C5orf34: variants seen among roughly 807,000 people sequenced by gnomAD.
C5orf34 encodes the protein uncharacterized protein C5orf34.
A neutral mutation model predicts 78.4 loss-of-function variants in C5orf34; 73 were observed. The observed-to-expected ratio is 0.93, with a 90% confidence interval of 0.77 to 1.13. The LOEUF is 1.13. Ranked by LOEUF, C5orf34 falls within the 50% of genes most tolerant of loss-of-function variation. The pLI, the probability that C5orf34 is intolerant of heterozygous loss-of-function variation, is 0.00. For synonymous variants in C5orf34, 251 were observed against 246.6 expected (o/e 1.02, Z -0.17); for missense variants, 730 against 732.7 (o/e 1.00, Z 0.04).
At chr5:43,490,454 G>A in intron 11 of C5orf34, 177 bp downstream of exon 11, 1 of 461,654 alleles carries the variant, frequency 2.2e-6, no homozygotes, top group Non-Finnish European at 3.9e-6. Flanking sequence ...TAATAAATTA[G>A]ATGTCTGATT....
intron 6 of C5orf34, among the ~76,000 whole-genome samples, chr5:43,500,802 G>A (rs924202386): frequency 3.9e-5 from 6 of 152,152 alleles, no homozygotes; most frequent in African/African-American, 1.2e-4. Flanking sequence ...CCTTTACCCA[G>A]AGATTTTAAA....
At chr5:43,498,022 CT>C (rs1412846881) in intron 6 of C5orf34, among the ~76,000 whole-genome samples, 2 of 152,180 alleles carry the variant, frequency 1.3e-5, no homozygotes, top group Non-Finnish European at 2.9e-5. Context: ...GTCTCATAGA[CT>C]AGGAGAAATC....
At chr5:43,497,978 T>C (rs1477356967) in intron 6 of C5orf34, among the ~76,000 whole-genome samples, 2 of 152,180 alleles carry the variant, frequency 1.3e-5, no homozygotes, top group Non-Finnish European at 2.9e-5. Context: ...CTAACACCTG[T>C]TTTTCCTTCC....
At chr5:43,490,971 A>C (rs1015398440) in intron 10 of C5orf34, among the ~76,000 whole-genome samples, 1 of 152,198 alleles carries the variant, frequency 6.6e-6, no homozygotes, top group Non-Finnish European at 1.5e-5. Context: ...AGTGACATTT[A>C]AGAATCAAAA....
At chr5:43,508,465 G>A in intron 3 of C5orf34, 112 bp downstream of exon 3, 1 of 631,722 alleles carries the variant, frequency 1.6e-6, no homozygotes, top group East Asian at 2.7e-5. Context: ...ATGTTTTATA[G>A]CAATGTATCC....
At chr5:43,508,256 T>TA (rs1746076354) in intron 3 of C5orf34, among the ~76,000 whole-genome samples, 1 of 152,170 alleles carries the variant, frequency 6.6e-6, no homozygotes, top group African/African-American at 2.4e-5. Flanking sequence ...AACACAATAC[T>TA]ATATAAGCAA....
At chr5:43,496,274 G>A in intron 6 of C5orf34, 1 of 1,585,734 alleles carries the variant, frequency 6.3e-7, no homozygotes. Context: ...TTCAGTTTAT[G>A]CAAGACCCAG....
intron 6 of C5orf34, among the ~76,000 whole-genome samples, chr5:43,497,013 T>G (rs1745558025): frequency 6.6e-6 from 1 of 152,186 alleles, no homozygotes; most frequent in Non-Finnish European, 1.5e-5. Context: ...AAGACATGGA[T>G]ATATAGATTT....
chr5:43,496,268 G>C, intron 6 of C5orf34: 2 of 1,585,398 alleles, frequency 1.3e-6, no homozygotes, highest in Non-Finnish European at 1.7e-6. Context: ...TCAGCTTTCA[G>C]TTTATGCAAG....
rs150385234 is a variant in C5orf34 at position 43,487,945 on chromosome 5, C to T, written c.1684G>A (p.Val562Ile). 7.2e-5 allele frequency: 116 copies of T among 1,603,786 alleles called. No individual in the cohort carries two copies. Among genetic ancestry groups the T allele is most frequent in the Non-Finnish European group, 9.4e-5 (110 of 1,173,814 alleles). The change falls in exon 12 of 13, where the codon GTT (valine) becomes ATT (isoleucine). Residue 562 changes from valine (V) to isoleucine (I), a missense_variant. Coordinates refer to ENST00000306862, the MANE Select transcript of C5orf34 (RefSeq NM_198566.4). ...TGTATCTTTTCAAGTTCAGAAGCAA[C>T]AGACCTGTCCAAGGAAAAAGAAAAA... ...SSSVLQENWS[V>I]ASELEKIQKF...
Position 43,503,765 on chromosome 5 carries a change from G to T in C5orf34, c.933-5C>A, listed in dbSNP as rs761552978. The stretch of plus-strand genomic sequence containing the variant: ...AGTGAATCACAAAAATTCCACCTGT[G>T]AAGGATAAAATACAAGCTATTACTT... On this transcript the variant is annotated splice_region_variant and splice_polypyrimidine_tract_variant and intron_variant, in intron 4 of 12. Transcript: ENST00000306862. The T allele has an allele frequency of 6.3e-6, 10 of 1,591,154 alleles. No individual in the cohort carries two copies. Among genetic ancestry groups the T allele is most frequent in the Non-Finnish European group, 8.6e-6 (10 of 1,159,382 alleles).
chr5:43,505,846 ACT>A lies in C5orf34; in HGVS notation c.832_833del (p.Ser278Ter). Reference protein sequence around the residue: ...MSKIDAHITQSRFLTSDISEE... With the variant: ...MSKIDAHITQXRFLTSDISEE... ...CTGAAATATCAGAAGTTAAAAATCT[ACT>A]CTGAGTTATATGTGCATCAATTTTA... On this transcript the variant is annotated frameshift_variant, in exon 4 of 13. Transcript: ENST00000306862. LOFTEE classifies it high-confidence loss of function. 6.2e-7 allele frequency: 1 copy of A among 1,613,304 alleles called. No homozygotes were observed. The highest frequency in any genetic ancestry group is 1.3e-5 in the African/African-American group (1 of 74,944).
rs962479907 is a variant in C5orf34, at chr5:43,499,906, T to C, written c.1152+2466A>G. Among the ~76,000 whole-genome samples the C allele has an allele frequency of 3.2e-4, 48 of 152,228 alleles. 1 individual carries two copies. The highest frequency in any genetic ancestry group is 1.1e-3 in the African/African-American group (47 of 41,462). On this transcript the variant is annotated intron_variant, in intron 6 of 12. Coordinates refer to ENST00000306862, the MANE Select transcript of C5orf34 (RefSeq NM_198566.4). ...ATTTATTTAGGTTGCTTCTGATTTT[T>C]TGCTGCTACAAATAATGCCACAAAA...
In C5orf34 at chr5:43,492,307, T is replaced by C; in HGVS notation, c.1488A>G (p.Val496=). 1 of 1,589,178 alleles carries C rather than the reference T, an allele frequency of 6.3e-7. No homozygotes were observed. The highest frequency in any genetic ancestry group is 8.6e-7 in the Non-Finnish European group (1 of 1,161,812). ...ACCAACCTAAGTTAAGACCTTGATT[T>C]ACCTGAAGAAGTAGAAAGATAAGTT... ...NFSSPIEKRQ[V]NQGLNLGWCK... The change falls in exon 10 of 13, where the codon GTA becomes GTG. Residue 496 remains valine (V), a splice_region_variant and synonymous_variant. Coordinates refer to ENST00000306862, the MANE Select transcript of C5orf34 (RefSeq NM_198566.4).
chr5:43,504,157 A>C (rs1476500385), intron 4 of C5orf34, among the ~76,000 whole-genome samples: 1 of 152,170 alleles, frequency 6.6e-6, no homozygotes, highest in Non-Finnish European at 1.5e-5. Flanking sequence ...CTAAAAATAC[A>C]AAAATTAGGC....
intron 3 of C5orf34, among the ~76,000 whole-genome samples, chr5:43,507,804 C>G (rs567027348): frequency 6.6e-6 from 1 of 152,174 alleles, no homozygotes; most frequent in South Asian, 2.1e-4. Context: ...GCCGGCCGGG[C>G]GCGGTGGCTC....
Position 43,506,308 on chromosome 5 carries a change from C to T in C5orf34, c.372G>A (p.Lys124=), listed in dbSNP as rs1745983181. The T allele has an allele frequency of 6.2e-7, 1 of 1,614,120 alleles. No homozygotes were observed. Among genetic ancestry groups the T allele is most frequent in the Non-Finnish European group, 8.5e-7 (1 of 1,180,042 alleles). The part of the protein sequence containing the change: ...TMIYMESGIV[K]ITSLDGHAYL... ...ATGCATGACCATCTAAAGATGTTAT[C>T]TTCACAATGCCACTCTCCATATATA... Residue 124 remains lysine, a synonymous_variant, in exon 4 of 13, where the codon AAG becomes AAA. Transcript: ENST00000306862.
At chr5:43,504,785 G>A (rs1330926368) in intron 4 of C5orf34, among the ~76,000 whole-genome samples, 2 of 152,126 alleles carry the variant, frequency 1.3e-5, no homozygotes, top group Non-Finnish European at 2.9e-5. Flanking sequence ...TAAACATCAT[G>A]GTAAGTTATT....
At chr5:43,513,540 C>A (rs1746362997) in intron 1 of C5orf34, among the ~76,000 whole-genome samples, 1 of 152,230 alleles carries the variant, frequency 6.6e-6, no homozygotes, top group African/African-American at 2.4e-5. Context: ...AATCCAAACT[C>A]CTAAACTATG....
Sources: allele counts gnomAD v4.1 joint callset (sites outside exome capture counted in the v4.1 genomes callset), GRCh38; gene constraint gnomAD v4.1.1; transcripts MANE v1.5; gene names NCBI Gene and HGNC (gene_info 2026-07-23, HGNC 2026-07-21).